The following PREX2 variants were observed in gnomAD, a reference collection of about 807,000 sequenced individuals.
PREX2 encodes phosphatidylinositol 3,4,5-trisphosphate-dependent Rac exchanger 2 protein.
Under a neutral mutation model 203.2 loss-of-function variants are expected in PREX2, and 107 were observed. The ratio of observed to expected loss-of-function variants is 0.53; its 90% CI spans 0.45 to 0.62. The LOEUF is 0.62. Ranked by LOEUF, PREX2 falls within the 20% of genes least tolerant of loss-of-function variation. The pLI, the probability that PREX2 is intolerant of heterozygous loss-of-function variation, is 0.00. For missense variants in PREX2, 1,777 were observed against 1,955.9 expected, an observed-to-expected ratio of 0.91 and a Z score of 1.72; for synonymous variants, 672 against 663.6, an observed-to-expected ratio of 1.01 and a Z score of -0.19.
intron 25 of PREX2, among the ~76,000 whole-genome samples, chr8:68,113,294 A>G (rs1342155009): frequency 6.6e-6 from 1 of 152,252 alleles, no homozygotes; most frequent in African/African-American, 2.4e-5. Flanking sequence ...AACTTTGAAA[A>G]AAATTATGCT....
At position 68,097,027 on chromosome 8, in the gene PREX2, C is replaced by G. The variant is rs143964156; in HGVS notation, c.2379C>G (p.Asp793Glu). Residue 793 changes from aspartate (D) to glutamate (E), a missense_variant, in exon 22 of 40, where the codon GAC becomes GAG. Coordinates refer to ENST00000288368, the MANE Select transcript of PREX2 (RefSeq NM_024870.4). ...AFDCKVEEVI[D>E]KFNTMAIIDG... ...TTGTCTTTGTTCCAGAGGTTATTGA[C>G]AAATTCAACACTATGGCCATCATTG... 1.8e-4 allele frequency: 297 copies of G among 1,613,180 alleles called. No homozygotes were observed. The highest frequency in any genetic ancestry group is 2.5e-4 in the Non-Finnish European group (291 of 1,179,494).
chr8:67,952,859 G>C (rs1347952957), intron 1 of PREX2, among the ~76,000 whole-genome samples: 2 of 152,180 alleles, frequency 1.3e-5, no homozygotes, highest in South Asian at 2.1e-4. Flanking sequence ...CGCCTCCCCA[G>C]TCTGCTCAAG....
At chr8:67,980,952 C>T (rs538436545) in intron 1 of PREX2, among the ~76,000 whole-genome samples, 35 of 152,262 alleles carry the variant, frequency 2.3e-4, no homozygotes, top group African/African-American at 7.5e-4. Flanking sequence ...TACAACTGCG[C>T]GTGGCTTTCT....
chr8:68,026,807 G>A (rs1229958507), intron 4 of PREX2, among the ~76,000 whole-genome samples: 1 of 152,140 alleles, frequency 6.6e-6, no homozygotes, highest in African/African-American at 2.4e-5. Context: ...CAGAGCCTGA[G>A]TTAGAACCCA....
rs552254904 is a variant in PREX2, at chr8:68,203,825, G to A, written c.4604+11300G>A. ...TCTGTTCAGTGTCTCAGATAAACAG[G>A]CCAAAGAGAAAACAATGATGGTCCA... is the stretch of plus-strand genomic sequence containing the variant. On this transcript the variant is annotated intron_variant, in intron 37 of 39. Transcript: ENST00000288368. 2.6e-5 allele frequency among the ~76,000 whole-genome samples: 4 copies of A among 152,250 alleles called. No homozygotes were observed. The East Asian group carries it at 7.7e-4, about 29-fold the overall frequency.
At chr8:68,105,234 C>T (rs1421513399) in intron 23 of PREX2, 3 of 1,367,792 alleles carry the variant, frequency 2.2e-6, no homozygotes, top group South Asian at 2.3e-5. Context: ...ATTTCCAGTA[C>T]CTGTGACTAT....
chr8:68,047,492 TATATATATATATATACACATAC>T (rs1465689052), intron 8 of PREX2, among the ~76,000 whole-genome samples: 1 of 86,470 alleles, frequency 1.2e-5, no homozygotes, highest in African/African-American at 7.3e-5. Flanking sequence ...TATATATATA[TATATATATATATATACACATAC>T]ATATATATAT....
At chr8:68,037,909 A>G (rs1284634721) in intron 6 of PREX2, among the ~76,000 whole-genome samples, 2 of 152,288 alleles carry the variant, frequency 1.3e-5, no homozygotes, top group African/African-American at 4.8e-5. Flanking sequence ...ACGCTTGTGT[A>G]TGTACACAAC....
At position 68,068,924 on chromosome 8, in the gene PREX2, A is replaced by C. The variant is rs898593748; in HGVS notation, c.1340-109A>C. 8 of 458,136 alleles carry C rather than the reference A, an allele frequency of 1.7e-5. No individual in the cohort carries two copies. In the East Asian group the frequency reaches 2.5e-4, roughly 14 times the overall value. The allele number at this position is 458,136 out of a possible 1,614,324, so 28.4% of individuals were successfully genotyped here. ...GTTAGAAAAGCAAATGCCTTTTGTA[A>C]AACTAAAAGTTTTAGTATTTGGGAA... On this transcript the variant is annotated intron_variant, in intron 11 of 39. Transcript: ENST00000288368.
intron 20 of PREX2, among the ~76,000 whole-genome samples, chr8:68,092,243 C>A (rs940713039): frequency 6.6e-6 from 1 of 152,272 alleles, no homozygotes; most frequent in Non-Finnish European, 1.5e-5. Flanking sequence ...AACCAAATCA[C>A]GTGGCCAAGC....
At chr8:68,142,956 T>G (rs552966227) in intron 33 of PREX2, among the ~76,000 whole-genome samples, 1 of 152,120 alleles carries the variant, frequency 6.6e-6, no homozygotes. Flanking sequence ...CAGCATTTGG[T>G]GTTGTCAGTG....
chr8:67,981,417 A>G (rs780404727), intron 1 of PREX2, among the ~76,000 whole-genome samples: 10 of 152,160 alleles, frequency 6.6e-5, no homozygotes, highest in African/African-American at 2.2e-4. Flanking sequence ...GAAACAGGCT[A>G]TTTACCCTCT....
chr8:68,110,169 G>A (rs1308092671), intron 25 of PREX2, among the ~76,000 whole-genome samples: 1 of 152,108 alleles, frequency 6.6e-6, no homozygotes, highest in Non-Finnish European at 1.5e-5. Context: ...AAGAGAAGGT[G>A]GAGGCAGTTA....
At chr8:68,005,320 C>A (rs16933992) in intron 1 of PREX2, among the ~76,000 whole-genome samples, 1 of 152,188 alleles carries the variant, frequency 6.6e-6, no homozygotes, top group Non-Finnish European at 1.5e-5. Flanking sequence ...ACAGCACCAT[C>A]GTCTTTCACT....
chr8:68,143,040 A>G (rs7011806), intron 33 of PREX2, among the ~76,000 whole-genome samples: 63,508 of 151,986 alleles, frequency 0.42, 14,613 homozygotes, highest in African/African-American at 0.61. Flanking sequence ...CCCTTATAAC[A>G]AATGATAAGA....
At chr8:68,023,861 G>A (rs1007464895) in intron 4 of PREX2, among the ~76,000 whole-genome samples, 3 of 152,004 alleles carry the variant, frequency 2.0e-5, no homozygotes, top group Non-Finnish European at 4.4e-5. Flanking sequence ...TTGGTAAGTA[G>A]TTCTTTTGTA....
At chr8:68,009,522 G>A (rs1380170595) in intron 1 of PREX2, among the ~76,000 whole-genome samples, 4 of 152,060 alleles carry the variant, frequency 2.6e-5, no homozygotes, top group African/African-American at 9.7e-5. Flanking sequence ...TAAGAAAAAA[G>A]TTGACAAATA....
chr8:68,170,039 A>T (rs1811844686), intron 35 of PREX2, among the ~76,000 whole-genome samples: 1 of 152,204 alleles, frequency 6.6e-6, no homozygotes, highest in Admixed American at 6.5e-5. Flanking sequence ...TGATATTTGA[A>T]CATTAGCCTG....
At chr8:68,212,001 A>G (rs1299101113) in intron 37 of PREX2, among the ~76,000 whole-genome samples, 1 of 152,168 alleles carries the variant, frequency 6.6e-6, no homozygotes, top group African/African-American at 2.4e-5. Flanking sequence ...CATGTAATGT[A>G]AATATAGAAA....
Sources: gnomAD v4.1 joint callset for allele counts (sites outside exome capture counted in the v4.1 genomes callset) on GRCh38, gnomAD v4.1.1 for gene constraint, MANE v1.5 for transcripts, NCBI Gene and HGNC (gene_info 2026-07-23, HGNC 2026-07-21) for gene names.